DTWD2: variants seen among roughly 807,000 people sequenced by gnomAD.
DTWD2 encodes the protein tRNA-uridine aminocarboxypropyltransferase 2.
A neutral mutation model predicts 31.8 loss-of-function variants in DTWD2; 39 were observed. The ratio of observed to expected loss-of-function variants is 1.22; its 90% confidence interval spans 0.95 to 1.60. The LOEUF (loss-of-function observed/expected upper bound fraction) is 1.60. DTWD2 is among the 40% of genes most tolerant of loss of function. The pLI, the probability that DTWD2 is intolerant of heterozygous loss-of-function variation, is 0.00. For missense variants in DTWD2, 515 were observed against 381.5 expected (o/e 1.35, Z -2.92); for synonymous variants, 180 against 142.8 (o/e 1.26, Z -1.86).
At chr5:118,974,041 G>A (rs116576925) in intron 1 of DTWD2, 820 of 1,606,186 alleles carry the variant, frequency 5.1e-4, no homozygotes, top group Non-Finnish European at 6.5e-4. Flanking sequence ...AGGAAGCTGA[G>A]ACAGCTACGG....
At chr5:118,942,550 C>A (rs1413474652) in intron 2 of DTWD2, among the ~76,000 whole-genome samples, 1 of 151,680 alleles carries the variant, frequency 6.6e-6, no homozygotes, top group Non-Finnish European at 1.5e-5. Flanking sequence ...TGGCTCACGC[C>A]CGTAATCCTA....
intron 1 of DTWD2, among the ~76,000 whole-genome samples, chr5:118,961,211 GAC>G: frequency 6.6e-6 from 1 of 152,268 alleles, no homozygotes; most frequent in South Asian, 2.1e-4. Flanking sequence ...AAACTGTGAT[GAC>G]AGTTATGGAT....
rs143044699 is a variant in DTWD2 at position 118,971,813 on chromosome 5, G to A, written c.218+16481C>T. On this transcript the variant is annotated intron_variant, in intron 1 of 5. Transcript: ENST00000510708. ...ACAGTGCAATCAAATTAGAACTGAAGGTTAAGAAACTCACTCAAAACTACA... is the reference window on the plus strand; with the variant it reads ...ACAGTGCAATCAAATTAGAACTGAAAGTTAAGAAACTCACTCAAAACTACA... 3.3e-4 allele frequency among the ~76,000 whole-genome samples: 50 copies of A among 152,286 alleles called. 1 individual carries two copies. The Middle Eastern group carries it at 0.014, about 41-fold the overall frequency.
At chr5:118,921,232 T>A (rs538511508) in intron 4 of DTWD2, among the ~76,000 whole-genome samples, 1 of 152,006 alleles carries the variant, frequency 6.6e-6, no homozygotes, top group African/African-American at 2.4e-5. Flanking sequence ...GCCAACAAAA[T>A]TATGAATAAT....
At position 118,838,997 on chromosome 5, in the gene DTWD2, C is replaced by G. The variant is rs1474998280; in HGVS notation, c.*1920G>C. ...CTAATACGGTGAAACCCCATCTCTA[C>G]TAAAAATACAAAAAATTAGCCGGGC... is the stretch of plus-strand genomic sequence containing the variant. On this transcript the variant is annotated 3_prime_UTR_variant, in exon 6 of 6. Coordinates refer to ENST00000510708, the MANE Select transcript of DTWD2 (RefSeq NM_173666.4). The G allele has an allele frequency of 6.6e-6, 1 of 152,012 alleles. No individual in the cohort carries two copies. Among genetic ancestry groups the G allele is most frequent in the Non-Finnish European group, 1.5e-5 (1 of 68,056 alleles). 9.4% of individuals were successfully genotyped at this position (152,012 alleles called of 1,614,324 possible). A position where few individuals can be genotyped will look rare whatever the true frequency, so the allele number is the denominator to read the frequency against.
At chr5:118,928,857 G>A (rs1753864376) in intron 3 of DTWD2, 128 bp from the exon 4 acceptor site, 1 of 744,212 alleles carries the variant, frequency 1.3e-6, no homozygotes, top group Admixed American at 3.5e-5. Flanking sequence ...ATAAGTATTA[G>A]TTTATAAAGT....
chr5:118,939,211 C>G lies in DTWD2; in HGVS notation c.389G>C (p.Arg130Pro), dbSNP rs771577328. The G allele has an allele frequency of 1.9e-6, 3 of 1,604,202 alleles. No individual in the cohort carries two copies. The highest frequency in any genetic ancestry group is 4.5e-5 in the East Asian group (2 of 44,346). The part of the protein sequence containing the change: ...QDKCKVKIGR[R>P]FSEERDPELS... ...GTTAATTTACCTTTCTTCACTGAAG[C>G]GACGACCGATCTTCACTTTACACTT... Residue 130 changes from arginine to proline, a missense_variant, in exon 3 of 6, where the codon CGC becomes CCC. By Grantham distance (103) the Arg-to-Pro change is moderately radical. Coordinates refer to ENST00000510708, the MANE Select transcript of DTWD2 (RefSeq NM_173666.4).
At chr5:118,939,071 TA>T (rs1754117704) in intron 3 of DTWD2, 124 bp downstream of exon 3, 1 of 816,278 alleles carries the variant, frequency 1.2e-6, no homozygotes, top group Non-Finnish European at 1.7e-6. Context: ...TAGCAGAACC[TA>T]AATTTTTTGA....
intron 4 of DTWD2, among the ~76,000 whole-genome samples, chr5:118,909,433 C>T (rs1753409803): frequency 6.6e-6 from 1 of 152,174 alleles, no homozygotes; most frequent in African/African-American, 2.4e-5. Context: ...ACTGCAGACC[C>T]CCAACAGCTT....
intron 4 of DTWD2, among the ~76,000 whole-genome samples, chr5:118,896,466 GAA>G (rs376983041): frequency 0.25 from 34,302 of 136,730 alleles, 6,478 homozygotes; most frequent in African/African-American, 0.54. Flanking sequence ...GAGGAGGATA[GAA>G]AAAAAAAAAC....
At chr5:118,842,118 C>A (rs1298291433) in intron 5 of DTWD2, among the ~76,000 whole-genome samples, 1 of 151,894 alleles carries the variant, frequency 6.6e-6, no homozygotes, top group African/African-American at 2.4e-5. Flanking sequence ...TGATGCACAA[C>A]ATAAGTGGTA....
At chr5:118,985,991 T>C (rs886575329) in intron 1 of DTWD2, among the ~76,000 whole-genome samples, 1 of 152,180 alleles carries the variant, frequency 6.6e-6, no homozygotes, top group East Asian at 1.9e-4. Flanking sequence ...TCATCTCTTT[T>C]TCATCTTTGT....
At chr5:118,901,636 G>C (rs985549799) in intron 4 of DTWD2, among the ~76,000 whole-genome samples, 1 of 152,060 alleles carries the variant, frequency 6.6e-6, no homozygotes, top group African/African-American at 2.4e-5. Context: ...TATCTAGTAA[G>C]TATTACCATG....
intron 1 of DTWD2, among the ~76,000 whole-genome samples, chr5:118,987,636 A>G (rs1206453266): frequency 6.6e-6 from 1 of 152,346 alleles, no homozygotes; most frequent in East Asian, 1.9e-4. Flanking sequence ...CGTATCCAGT[A>G]AGAGAATACT....
chr5:118,915,785 G>C (rs1204224726), intron 4 of DTWD2, among the ~76,000 whole-genome samples: 2 of 152,194 alleles, frequency 1.3e-5, no homozygotes, highest in Non-Finnish European at 2.9e-5. Flanking sequence ...GAGTAAAAGA[G>C]TAAGTGGCTG....
intron 4 of DTWD2, among the ~76,000 whole-genome samples, chr5:118,866,017 T>C (rs923946947): frequency 4.7e-5 from 7 of 150,396 alleles, no homozygotes. Flanking sequence ...TGTGTGTGTG[T>C]GTCTGTGTGT....
intron 1 of DTWD2, among the ~76,000 whole-genome samples, chr5:118,987,449 T>C (rs1755453483): frequency 6.6e-6 from 1 of 152,252 alleles, no homozygotes; most frequent in African/African-American, 2.4e-5. Context: ...TCAGTCCTTC[T>C]GTTCCCCTTC....
intron 4 of DTWD2, among the ~76,000 whole-genome samples, chr5:118,919,771 T>A (rs1032622018): frequency 3.3e-5 from 5 of 152,234 alleles, no homozygotes; most frequent in Admixed American, 6.5e-5. Context: ...CTACCATCTA[T>A]GCTTATATTG....
intron 4 of DTWD2, among the ~76,000 whole-genome samples, chr5:118,901,034 T>A (rs1753199493): frequency 6.6e-6 from 1 of 151,760 alleles, no homozygotes; most frequent in African/African-American, 2.4e-5. Flanking sequence ...CCCAAATATT[T>A]ATGTATTCAC....
Sources: gnomAD v4.1 joint callset for allele counts (sites outside exome capture counted in the v4.1 genomes callset) on GRCh38, gnomAD v4.1.1 for gene constraint, MANE v1.5 for transcripts, NCBI Gene and HGNC (gene_info 2026-07-23, HGNC 2026-07-21) for gene names.